Variants in WDR83 observed in about 807,000 individuals in gnomAD.
WDR83 encodes the protein WD repeat domain 83.
In WDR83, 37 loss-of-function variants were observed where a neutral mutation model predicts 37.7. The ratio of observed to expected loss-of-function variants is 0.98; its 90% CI spans 0.76 to 1.29. The LOEUF (loss-of-function observed/expected upper bound fraction) is 1.29, where lower values mean the gene tolerates loss of function less well. Ranked by LOEUF, WDR83 falls within the 50% of genes most tolerant of loss-of-function variation. The pLI is 0.00. For synonymous variants in WDR83, 174 were observed against 181.1 expected, an observed-to-expected ratio of 0.96 and a Z score of 0.31; for missense variants, 445 against 414.4, an observed-to-expected ratio of 1.07 and a Z score of -0.64.
chr19:12,674,523 T>C (rs2145329707), intron 10 of WDR83, among the ~76,000 whole-genome samples: 1 of 152,294 alleles, frequency 6.6e-6, no homozygotes, highest in East Asian at 1.9e-4. Context: ...ACCTATTTCT[T>C]ATGGGCCCAG....
chr19:12,669,954 A>G (rs752416711), intron 3 of WDR83, 23 bp from the exon 4 acceptor site: 2 of 1,604,234 alleles, frequency 1.2e-6, no homozygotes, highest in Non-Finnish European at 1.7e-6. Flanking sequence ...ACGGCCCAGT[A>G]ACCCCCGCCT....
At position 12,670,282 on chromosome 19, in the gene WDR83, AG is replaced by A; in HGVS notation, c.330+1del. 6.2e-7 allele frequency: 1 copy of A among 1,613,800 alleles called. No homozygotes were observed. On this transcript the variant is annotated frameshift_variant and splice_region_variant, in exon 5 of 11. Transcript: ENST00000418543. LOFTEE classifies it high-confidence loss of function. Reference sequence around the variant, plus strand: ...TCGTGCGCAAATTCCGGGGCCACGCAGGGGTGAGTGAAAGCCTGGAGACCCT... The same window carrying A: ...TCGTGCGCAAATTCCGGGGCCACGCAGGGTGAGTGAAAGCCTGGAGACCCT... Reference protein sequence around the residue: ...QVVRKFRGHAGKVNTVQFNEE... With the variant: ...QVVRKFRGHAXKVNTVQFNEE...
chr19:12,669,193 C>G, intron 2 of WDR83: 1 of 1,614,130 alleles, frequency 6.2e-7, no homozygotes, highest in East Asian at 2.2e-5. Flanking sequence ...GGCGTCGGGT[C>G]GTCCAAGGCC....
intron 7 of WDR83, chr19:12,672,581 C>G: frequency 2.0e-6 from 1 of 491,888 alleles, no homozygotes; most frequent in South Asian, 2.1e-5. Context: ...GCACTCCAGC[C>G]TGAGCAACAA....
Position 12,675,718 on chromosome 19 carries a change from G to A in WDR83, c.*46G>A. ...GGACCAAGGACCGAGACACAGACAT[G>A]GAAGGACTTCAGATACCATCTTATT... On this transcript the variant is annotated 3_prime_UTR_variant, in exon 11 of 11. Transcript: ENST00000418543. 6.3e-7 allele frequency: 1 copy of A among 1,592,660 alleles called. No homozygotes were observed. Among genetic ancestry groups the A allele is most frequent in the Non-Finnish European group, 8.5e-7 (1 of 1,173,668 alleles).
At chr19:12,667,046 T>C (rs190051149) in intron 1 of WDR83, 54 bp downstream of exon 1, 5 of 378,996 alleles carry the variant, frequency 1.3e-5, no homozygotes, top group Admixed American at 4.3e-5. Context: ...GCCGGTGTAG[T>C]GTGTCCATGG....
chr19:12,671,793 G>C (rs1266987945), intron 7 of WDR83, among the ~76,000 whole-genome samples: 1 of 152,108 alleles, frequency 6.6e-6, no homozygotes, highest in East Asian at 1.9e-4. Flanking sequence ...TAACTTCTAG[G>C]TTCAGGCGAT....
rs1286876920 is a variant in WDR83, at chr19:12,670,217, G to C, written c.262G>C (p.Asp88His). 6.2e-7 allele frequency: 1 copy of C among 1,614,174 alleles called. No homozygotes were observed. Among genetic ancestry groups the C allele is most frequent in the Admixed American group, 1.7e-5 (1 of 60,022 alleles). Residue 88 changes from aspartate to histidine, a missense_variant, in exon 5 of 11, where the codon GAC (aspartate) becomes CAC (histidine). Physicochemically the swap from Asp to His is moderately conservative, Grantham distance 81. Transcript: ENST00000418543. ...CAGTAGTCTCTGCTCCGGCGGCGGG[G>C]ACAAGGCGGTGGTTCTGTGGGATGT... is the stretch of plus-strand genomic sequence containing the variant. The part of the protein sequence containing the change: ...DNSSLCSGGG[D>H]KAVVLWDVAS...
At chr19:12,675,286 A>G (rs1006982434) in intron 10 of WDR83, among the ~76,000 whole-genome samples, 5 of 152,270 alleles carry the variant, frequency 3.3e-5, no homozygotes, top group South Asian at 2.1e-4. Flanking sequence ...TAAAAAATCA[A>G]TAAGAGGCTC....
Position 12,670,197 on chromosome 19 carries a change from G to T in WDR83, c.242G>T (p.Ser81Ile). The change falls in exon 5 of 11, where the codon AGT (serine) becomes ATT (isoleucine). Residue 81 changes from serine to isoleucine, a missense_variant. Ser to Ile is a moderately radical substitution (Grantham distance 142). Coordinates refer to ENST00000418543, the MANE Select transcript of WDR83 (RefSeq NM_001099737.3). Reference protein sequence around the residue: ...LDAAGSFDNSSLCSGGGDKAV... With the variant: ...LDAAGSFDNSILCSGGGDKAV... The stretch of plus-strand genomic sequence containing the variant: ...TACTCCAGCTCCTTTGACAACAGTA[G>T]TCTCTGCTCCGGCGGCGGGGACAAG... The T allele has an allele frequency of 6.2e-7, 1 of 1,614,070 alleles. No homozygotes were observed. Among genetic ancestry groups the T allele is most frequent in the Non-Finnish European group, 8.5e-7 (1 of 1,180,008 alleles).
rs78102842 is a variant in WDR83, at chr19:12,670,371, G to A, written c.330+86G>A. ...GTGACACGGCCACCCCCATTACACC[G>A]TAAGGATCCCTTCCCCAGATGACGA... On this transcript the variant is annotated intron_variant, in intron 5 of 10. Transcript: ENST00000418543. 11,802 of 1,529,546 alleles carry A rather than the reference G, an allele frequency of 7.7e-3. 755 individuals carry two copies. The African/African-American group carries it at 0.14, about 18-fold the overall frequency. The allele number at this position is 1,529,546 out of a possible 1,614,324, so 94.7% of individuals were successfully genotyped here.
At chr19:12,668,232 G>C (rs1021122732) in intron 1 of WDR83, 21 of 981,406 alleles carry the variant, frequency 2.1e-5, no homozygotes, top group Middle Eastern at 2.6e-4. Context: ...CCTCTATCCA[G>C]CTGGGGGCAC....
intron 10 of WDR83, 115 bp from the exon 11 acceptor site, chr19:12,675,408 C>G: frequency 7.0e-7 from 1 of 1,433,850 alleles, no homozygotes; most frequent in Non-Finnish European, 9.3e-7. Context: ...GGCTGAAGGT[C>G]GGGGAGAGGT....
chr19:12,675,528 G>A lies in WDR83; in HGVS notation c.804G>A (p.Ala268=), dbSNP rs767701635. 35 of 1,604,276 alleles carry A rather than the reference G, an allele frequency of 2.2e-5. No homozygotes were observed. Among genetic ancestry groups the A allele is most frequent in the South Asian group, 1.4e-4 (13 of 91,020 alleles). ...KVFFWDLVEG[A]LALALPVGSG... is the part of the protein sequence containing the mutation. Reference sequence around the variant, plus strand: ...CCCTACCCCTCGCTCCACAGGGTGCGCTGGCTCTGGCCCTGCCTGTGGGTT... The same window carrying A: ...CCCTACCCCTCGCTCCACAGGGTGCACTGGCTCTGGCCCTGCCTGTGGGTT... The change falls in exon 11 of 11, where the codon GCG becomes GCA. Residue 268 remains alanine (A), a synonymous_variant. Transcript: ENST00000418543.
At chr19:12,672,668 G>A (rs1490167828) in intron 7 of WDR83, 179 bp from the exon 8 acceptor site, 2 of 635,578 alleles carry the variant, frequency 3.1e-6, no homozygotes, top group Admixed American at 5.0e-5. Flanking sequence ...AGGGGGTGTG[G>A]GTCTTGGAAA....
At chr19:12,674,782 A>G (rs778052671) in intron 10 of WDR83, among the ~76,000 whole-genome samples, 1 of 152,174 alleles carries the variant, frequency 6.6e-6, no homozygotes, top group Non-Finnish European at 1.5e-5. Flanking sequence ...CTAGAAGCAG[A>G]GCCAAGAGGA....
In WDR83 at chr19:12,673,410, CTTTTTTTTTTTTTT is replaced by C. The variant is rs58676851; in HGVS notation, c.798+107_798+120del. On this transcript the variant is annotated intron_variant, in intron 10 of 10. Transcript: ENST00000418543. ...CACTCCAGGGCCTGAAGGCTAGGAT[CTTTTTTTTTTTTTT>C]TTTTTTTTTTTTGAGACAAGTCTTG... 1.2e-4 allele frequency: 30 copies of C among 248,048 alleles called. No homozygotes were observed. In the East Asian group the frequency reaches 2.8e-3, roughly 24 times the overall value. 15.4% of individuals were successfully genotyped at this position (248,048 alleles called of 1,614,324 possible). A position where few individuals can be genotyped will look rare whatever the true frequency, so the allele number is the denominator to read the frequency against.
chr19:12,673,381 C>CA, intron 10 of WDR83, 65 bp downstream of exon 10: 1 of 926,266 alleles, frequency 1.1e-6, no homozygotes, highest in South Asian at 1.3e-5. Flanking sequence ...GTCCTTACCT[C>CA]AGTCACTCCA....
rs2024266630 is a variant in WDR83 at position 12,666,927 on chromosome 19, C to T, written c.-222C>T. ...TGGGCTAAAGGTGACACTGGCGTCTCACGGGCTATGAAGACGGAATGCCTC... is the reference window on the plus strand; with the variant it reads ...TGGGCTAAAGGTGACACTGGCGTCTTACGGGCTATGAAGACGGAATGCCTC... On this transcript the variant is annotated 5_prime_UTR_variant, in exon 1 of 11. Transcript: ENST00000418543. 1.7e-6 allele frequency: 1 copy of T among 577,172 alleles called. No individual in the cohort carries two copies. Among genetic ancestry groups the T allele is most frequent in the Non-Finnish European group, 3.1e-6 (1 of 325,922 alleles). The allele number at this position is 577,172 out of a possible 1,614,324, so 35.8% of individuals were successfully genotyped here. A position where few individuals can be genotyped will look rare whatever the true frequency, so the allele number is the denominator to read the frequency against.
Sources: allele counts gnomAD v4.1 joint callset (sites outside exome capture counted in the v4.1 genomes callset), GRCh38; gene constraint gnomAD v4.1.1; transcripts MANE v1.5; gene names NCBI Gene and HGNC (gene_info 2026-07-23, HGNC 2026-07-21).